PRKCA: variants seen among roughly 807,000 people sequenced by gnomAD.
PRKCA encodes protein kinase C alpha.
Under a neutral mutation model 87.0 loss-of-function variants are expected in PRKCA, and 27 were observed. That is an observed-to-expected ratio of 0.31 (90% confidence interval 0.23 to 0.43). The LOEUF (loss-of-function observed/expected upper bound fraction) is 0.43. Among genes scored for constraint, PRKCA ranks in the 20% least tolerant of loss-of-function variants. The probability of loss-of-function intolerance (pLI) is 1.00; values close to 1 mark genes in which losing one functional copy is unlikely to be tolerated. For synonymous variants in PRKCA, 329 were observed against 311.1 expected (o/e 1.06, Z -0.61); for missense variants, 518 against 852.3 (o/e 0.61, Z 4.88).
intron 5 of PRKCA, among the ~76,000 whole-genome samples, chr17:66,681,675 C>G (rs1466411275): frequency 1.3e-5 from 2 of 152,146 alleles, no homozygotes; most frequent in Non-Finnish European, 2.9e-5. Flanking sequence ...TTATCCAAAG[C>G]CATACAGCTA....
chr17:66,467,770 C>G (rs548799606), intron 2 of PRKCA, among the ~76,000 whole-genome samples: 1 of 151,982 alleles, frequency 6.6e-6, no homozygotes, highest in Non-Finnish European at 1.5e-5. Flanking sequence ...GTTGCTCAGG[C>G]TTGTCTTGAA....
intron 8 of PRKCA, among the ~76,000 whole-genome samples, chr17:66,705,665 G>A (rs759580078): frequency 4.6e-5 from 7 of 152,088 alleles, no homozygotes; most frequent in Non-Finnish European, 1.0e-4. Flanking sequence ...CTTTGCAAAT[G>A]TCCCCAGGCC....
At chr17:66,548,705 C>A (rs548239661) in intron 3 of PRKCA, among the ~76,000 whole-genome samples, 1 of 151,982 alleles carries the variant, frequency 6.6e-6, no homozygotes, top group Admixed American at 6.6e-5. Flanking sequence ...CATGGACTTT[C>A]GAAAAGGTGA....
rs565514179 is a variant in PRKCA, at chr17:66,536,738, C to T, written c.288+40455C>T. Among the ~76,000 whole-genome samples the T allele has an allele frequency of 1.1e-4, 17 of 152,348 alleles. No homozygotes were observed. In the East Asian group the frequency reaches 2.5e-3, roughly 22 times the overall value. On this transcript the variant is annotated intron_variant, in intron 3 of 16. Coordinates refer to ENST00000413366, the MANE Select transcript of PRKCA (RefSeq NM_002737.3). ...GAGCTAACGAGACAGGCTCCAACTGCTCTTCTCCCGTGGGAATTGCAGTTT... is the reference window on the plus strand; with the variant it reads ...GAGCTAACGAGACAGGCTCCAACTGTTCTTCTCCCGTGGGAATTGCAGTTT...
chr17:66,388,108 A>G lies in PRKCA; in HGVS notation c.205+81981A>G, dbSNP rs541427060. ...GGCAGGGGGAGGAAACCGTAGATAG[A>G]TCCAGGAATGGCCAAAGTAAGCAGA... On this transcript the variant is annotated intron_variant, in intron 2 of 16. Coordinates refer to ENST00000413366, the MANE Select transcript of PRKCA (RefSeq NM_002737.3). 2.6e-5 allele frequency among the ~76,000 whole-genome samples: 4 copies of G among 152,138 alleles called. No homozygotes were observed. The South Asian group carries it at 8.3e-4, about 32-fold the overall frequency.
intron 8 of PRKCA, among the ~76,000 whole-genome samples, chr17:66,695,668 T>C (rs1972900089): frequency 6.6e-6 from 1 of 152,216 alleles, no homozygotes; most frequent in South Asian, 2.1e-4. Context: ...CCGTAACTTT[T>C]GCTGCACACC....
intron 3 of PRKCA, among the ~76,000 whole-genome samples, chr17:66,529,401 T>G (rs530379853): frequency 1.1e-4 from 17 of 152,302 alleles, no homozygotes; most frequent in African/African-American, 3.8e-4. Flanking sequence ...TGCAGGGCCG[T>G]GTGACCTTGC....
intron 2 of PRKCA, among the ~76,000 whole-genome samples, chr17:66,435,526 G>A (rs1483706703): frequency 6.6e-6 from 1 of 152,212 alleles, no homozygotes; most frequent in African/African-American, 2.4e-5. Flanking sequence ...AGGTATCTAT[G>A]TTCCATAAAA....
intron 2 of PRKCA, among the ~76,000 whole-genome samples, chr17:66,323,680 C>G (rs112255900): frequency 0.1 from 15,725 of 152,224 alleles, 868 homozygotes; most frequent in South Asian, 0.25. Flanking sequence ...TGGCTCATGC[C>G]TGTAATCCCA....
chr17:66,753,863 G>T (rs75811035), intron 13 of PRKCA, among the ~76,000 whole-genome samples: 2 of 152,042 alleles, frequency 1.3e-5, no homozygotes, highest in Non-Finnish European at 2.9e-5. Context: ...CCACCTGCTG[G>T]CACCTTCATC....
At position 66,593,789 on chromosome 17, in the gene PRKCA, A is replaced by C. The variant is rs572663687; in HGVS notation, c.289-47566A>C. 9.8e-5 allele frequency among the ~76,000 whole-genome samples: 15 copies of C among 152,340 alleles called. No individual in the cohort carries two copies. In the South Asian group the frequency reaches 2.9e-3, roughly 29 times the overall value. ...TCAGGCAGACATCTCTTGGTGTAAA[A>C]GTAAATTTATCTGGCTGGGTGTGGG... On this transcript the variant is annotated intron_variant, in intron 3 of 16. Coordinates refer to ENST00000413366, the MANE Select transcript of PRKCA (RefSeq NM_002737.3).
intron 2 of PRKCA, among the ~76,000 whole-genome samples, chr17:66,308,232 C>T (rs1214740400): frequency 6.6e-6 from 1 of 152,174 alleles, no homozygotes; most frequent in African/African-American, 2.4e-5. Flanking sequence ...AATTGCTCTT[C>T]AAGAGTTCCA....
At chr17:66,479,066 A>G (rs1915659447) in intron 2 of PRKCA, among the ~76,000 whole-genome samples, 1 of 152,248 alleles carries the variant, frequency 6.6e-6, no homozygotes, top group African/African-American at 2.4e-5. Context: ...AGCAAAAGAA[A>G]CTATCAACCG....
Position 66,674,204 on chromosome 17 carries a change from A to G in PRKCA, c.530-12907A>G, listed in dbSNP as rs571198137. 2.0e-5 allele frequency among the ~76,000 whole-genome samples: 3 copies of G among 152,292 alleles called. No individual in the cohort carries two copies. In the South Asian group the frequency reaches 6.2e-4, roughly 32 times the overall value. On this transcript the variant is annotated intron_variant, in intron 5 of 16. Coordinates refer to ENST00000413366, the MANE Select transcript of PRKCA (RefSeq NM_002737.3). ...AGGTGCTGTCAGTCTGTAGACATGGAACACCTTTGGGCTGGGCTAGGCTGG... is the reference window on the plus strand; with the variant it reads ...AGGTGCTGTCAGTCTGTAGACATGGGACACCTTTGGGCTGGGCTAGGCTGG...
At chr17:66,595,612 A>G (rs1476741884) in intron 3 of PRKCA, among the ~76,000 whole-genome samples, 2 of 151,898 alleles carry the variant, frequency 1.3e-5, no homozygotes, top group Non-Finnish European at 2.9e-5. Context: ...GGTGCCCGCC[A>G]TCAAGCCCAG....
At chr17:66,629,245 G>A (rs1021145285) in intron 3 of PRKCA, among the ~76,000 whole-genome samples, 2 of 152,062 alleles carry the variant, frequency 1.3e-5, no homozygotes, top group African/African-American at 4.8e-5. Context: ...CAGCTGCTGG[G>A]GAATCTTATG....
At chr17:66,370,277 G>T (rs1036953081) in intron 2 of PRKCA, among the ~76,000 whole-genome samples, 1 of 134,320 alleles carries the variant, frequency 7.4e-6, no homozygotes, top group South Asian at 2.3e-4. Flanking sequence ...TGTCGCCCAG[G>T]CTGGAGTGCA....
chr17:66,469,912 A>G (rs1915248192), intron 2 of PRKCA, among the ~76,000 whole-genome samples: 1 of 152,184 alleles, frequency 6.6e-6, no homozygotes, highest in Non-Finnish European at 1.5e-5. Context: ...GTATCCACAA[A>G]CTTAGAGCAC....
At chr17:66,550,807 G>C (rs1217811263) in intron 3 of PRKCA, among the ~76,000 whole-genome samples, 1 of 152,226 alleles carries the variant, frequency 6.6e-6, no homozygotes, top group East Asian at 1.9e-4. Context: ...TGGAAAGGAA[G>C]CGACACATTC....
Sources: gnomAD v4.1 joint callset for allele counts (sites outside exome capture counted in the v4.1 genomes callset) on GRCh38, gnomAD v4.1.1 for gene constraint, MANE v1.5 for transcripts, NCBI Gene and HGNC (gene_info 2026-07-23, HGNC 2026-07-21) for gene names.